PGCKA1: variants seen among roughly 807,000 people sequenced by gnomAD.
PGCKA1 encodes the protein PDCD10 and GCKIII kinases-associated protein 1.
At chr4:37,472,871 A>G in the PGCKA1 span, among the ~76,000 whole-genome samples, 13 of 152,162 alleles carry the variant, frequency 8.5e-5, no homozygotes, top group Non-Finnish European at 1.5e-5. Context: ...TGTATGTTCT[A>G]TACTATCTAT....
the PGCKA1 span, among the ~76,000 whole-genome samples, chr4:37,522,237 T>TA: frequency 7.5e-3 from 1,135 of 152,254 alleles, 22 homozygotes; most frequent in African/African-American, 0.026. Context: ...TCAAAAGCCT[T>TA]AGATATCTAC....
the PGCKA1 span, among the ~76,000 whole-genome samples, chr4:37,485,384 C>T: frequency 1.3e-5 from 2 of 152,062 alleles, no homozygotes; most frequent in Non-Finnish European, 2.9e-5. Flanking sequence ...GGAGTGGGTT[C>T]GTTATCTTGG....
At chr4:37,522,487 T>C in the PGCKA1 span, among the ~76,000 whole-genome samples, 3 of 152,236 alleles carry the variant, frequency 2.0e-5, no homozygotes, top group Middle Eastern at 3.4e-3. Context: ...TGGACTCTGG[T>C]ATGGCCCCGC....
At chr4:37,554,514 A>G in the PGCKA1 span, among the ~76,000 whole-genome samples, 1 of 151,960 alleles carries the variant, frequency 6.6e-6, no homozygotes, top group African/African-American at 2.4e-5. Context: ...CGCCTGGCTA[A>G]TTTTTGTACT....
At chr4:37,568,828 T>C in the PGCKA1 span, among the ~76,000 whole-genome samples, 1 of 152,316 alleles carries the variant, frequency 6.6e-6, no homozygotes, top group African/African-American at 2.4e-5. Context: ...ATTGTTAAAT[T>C]TCAAAGAGAG....
chr4:37,519,972 T>G, the PGCKA1 span, among the ~76,000 whole-genome samples: 30,983 of 152,098 alleles, frequency 0.2, 3,903 homozygotes, highest in African/African-American at 0.35. Context: ...CATCATTAAG[T>G]GATGTTGAAT....
At chr4:37,555,275 C>T in the PGCKA1 span, among the ~76,000 whole-genome samples, 2 of 152,346 alleles carry the variant, frequency 1.3e-5, no homozygotes, top group Admixed American at 6.5e-5. Context: ...ACTTCTTAGG[C>T]ACTCAGTAAC....
chr4:37,464,508 C>G, the PGCKA1 span, among the ~76,000 whole-genome samples: 1 of 152,182 alleles, frequency 6.6e-6, no homozygotes, highest in Admixed American at 6.5e-5. Context: ...TAATCTGAGT[C>G]TCAGCCTCTA....
the PGCKA1 span, among the ~76,000 whole-genome samples, chr4:37,536,319 A>G: frequency 6.6e-6 from 1 of 152,232 alleles, no homozygotes; most frequent in African/African-American, 2.4e-5. Flanking sequence ...CAATTCTATT[A>G]GTTACCTATT....
At chr4:37,539,534 A>G in the PGCKA1 span, among the ~76,000 whole-genome samples, 1 of 152,192 alleles carries the variant, frequency 6.6e-6, no homozygotes, top group Non-Finnish European at 1.5e-5. Context: ...CACACCTGTA[A>G]TCCCAGCTAC....
the PGCKA1 span, among the ~76,000 whole-genome samples, chr4:37,520,227 T>C: frequency 1.3e-5 from 2 of 152,222 alleles, no homozygotes; most frequent in Non-Finnish European, 2.9e-5. Flanking sequence ...GTTTTCTTTT[T>C]ATTGATGTGT....
At chr4:37,584,749 G>A in the PGCKA1 span, among the ~76,000 whole-genome samples, 2 of 152,056 alleles carry the variant, frequency 1.3e-5, no homozygotes, top group African/African-American at 4.8e-5. Flanking sequence ...CCGAGGAGCT[G>A]GGAGTGCAAG....
chr4:37,480,545 G>C, the PGCKA1 span, among the ~76,000 whole-genome samples: 7 of 152,328 alleles, frequency 4.6e-5, no homozygotes, highest in East Asian at 1.4e-3. Context: ...AGCCAATGCG[G>C]TCAGGAGCAC....
chr4:37,460,747 G>T, the PGCKA1 span: 1 of 326,812 alleles, frequency 3.1e-6, no homozygotes, highest in South Asian at 2.4e-5. Flanking sequence ...CCTTTGTCAG[G>T]TGGGTAGATT....
At chr4:37,579,011 TTG>T in the PGCKA1 span, among the ~76,000 whole-genome samples, 3 of 152,284 alleles carry the variant, frequency 2.0e-5, no homozygotes, top group African/African-American at 7.2e-5. Context: ...TGAGCCGAGA[TTG>T]CGCCATTGCA....
At chr4:37,533,017 A>G in the PGCKA1 span, among the ~76,000 whole-genome samples, 3 of 152,208 alleles carry the variant, frequency 2.0e-5, no homozygotes, top group South Asian at 6.2e-4. Context: ...TGCAGTGTGT[A>G]CTGCTTTGAT....
chr4:37,528,089 A>T, the PGCKA1 span, among the ~76,000 whole-genome samples: 1 of 152,178 alleles, frequency 6.6e-6, no homozygotes, highest in African/African-American at 2.4e-5. Context: ...AAAATTTTTT[A>T]AATTGAGTTT....
At chr4:37,520,601 G>C in the PGCKA1 span, among the ~76,000 whole-genome samples, 1 of 150,272 alleles carries the variant, frequency 6.7e-6, no homozygotes, top group East Asian at 2.0e-4. Flanking sequence ...AGTATCAGTT[G>C]TAACATTTAT....
the PGCKA1 span, among the ~76,000 whole-genome samples, chr4:37,550,529 G>A: frequency 1.3e-5 from 2 of 152,152 alleles, no homozygotes; most frequent in South Asian, 2.1e-4. Flanking sequence ...CTTTAGAACT[G>A]GTAATCACAA....
Sources: allele counts gnomAD v4.1 joint callset (sites outside exome capture counted in the v4.1 genomes callset), GRCh38; gene constraint gnomAD v4.1.1; transcripts MANE v1.5; gene names NCBI Gene and HGNC (gene_info 2026-07-23, HGNC 2026-07-21).